Variants in AEBP2 observed in about 807,000 individuals in gnomAD.
AEBP2 encodes the protein zinc finger protein AEBP2.
AEBP2 carries 10 observed loss-of-function variants against 50.8 expected under a neutral mutation model. The observed-to-expected ratio is 0.20, with a 90% CI of 0.12 to 0.33. The LOEUF is 0.33. Ranked by LOEUF, AEBP2 falls within the 10% of genes least tolerant of loss-of-function variation. The pLI is 1.00. For synonymous variants in AEBP2, 296 were observed against 261.3 expected (o/e 1.13, Z -1.28); for missense variants, 570 against 688.0 (o/e 0.83, Z 1.92).
At position 19,439,835 on chromosome 12, in the gene AEBP2, G is replaced by A. The variant is rs1210229496; in HGVS notation, c.136G>A (p.Glu46Lys). Residue 46 changes from glutamate (E) to lysine (K), a missense_variant, in exon 1 of 8, where the codon GAA becomes AAA. Transcript: ENST00000266508. The stretch of plus-strand genomic sequence containing the variant: ...GGAGGAGGAGGAAGAGGAGGAGGAG[G>A]AAGAGGAGGCGGAGGCCGAGGCGGT... ...PEEEEEEEEE[E>K]EEAEAEAVAA... is the part of the protein sequence containing the mutation. 12 of 1,503,894 alleles carry A rather than the reference G, an allele frequency of 8.0e-6. No individual in the cohort carries two copies. The highest frequency in any genetic ancestry group is 1.1e-5 in the Non-Finnish European group (12 of 1,134,350). 93.2% of individuals were successfully genotyped at this position (1,503,894 alleles called of 1,614,324 possible).
At chr12:19,449,350 G>A (rs1394154769) in intron 1 of AEBP2, among the ~76,000 whole-genome samples, 3 of 152,116 alleles carry the variant, frequency 2.0e-5, no homozygotes, top group Non-Finnish European at 2.9e-5. Flanking sequence ...TAGTGTAATT[G>A]TGTTGAAGTG....
intron 1 of AEBP2, among the ~76,000 whole-genome samples, chr12:19,454,560 C>A (rs1195073442): frequency 6.6e-6 from 1 of 152,150 alleles, no homozygotes; most frequent in Non-Finnish European, 1.5e-5. Context: ...GTGATGTATT[C>A]ATAGAAAATT....
rs77192489 is a variant in AEBP2 at position 19,521,235 on chromosome 12, A to G, written c.*3118A>G. 6.6e-6 allele frequency: 1 copy of G among 152,186 alleles called. No homozygotes were observed. Among genetic ancestry groups the G allele is most frequent in the Non-Finnish European group, 1.5e-5 (1 of 68,036 alleles). The allele number at this position is 152,186 out of a possible 1,614,324, so 9.4% of individuals were successfully genotyped here. A position where few individuals can be genotyped will look rare whatever the true frequency, so the allele number is the denominator to read the frequency against. On this transcript the variant is annotated 3_prime_UTR_variant, in exon 8 of 8. Transcript: ENST00000266508. Reference sequence around the variant, plus strand: ...ACACAACTTGCATTTTAATATGACAATGTTGATCTTGGTAATAAGCCAGTA... The same window carrying G: ...ACACAACTTGCATTTTAATATGACAGTGTTGATCTTGGTAATAAGCCAGTA...
At chr12:19,422,795 G>A (rs1043638782) in intron 1 of AEBP2, among the ~76,000 whole-genome samples, 3 of 152,104 alleles carry the variant, frequency 2.0e-5, no homozygotes, top group African/African-American at 7.2e-5. Flanking sequence ...CGGGCATGGT[G>A]GCTCATGGCT....
At chr12:19,509,816 C>CTTTTTTTTTTTT (rs1565737482) in intron 5 of AEBP2, among the ~76,000 whole-genome samples, 2 of 121,054 alleles carry the variant, frequency 1.7e-5, no homozygotes, top group African/African-American at 6.5e-5. Flanking sequence ...AACATGGCTA[C>CTTTTTTTTTTTT]TTTCTTTTTT....
In AEBP2 at chr12:19,518,218, C is replaced by CTTTTTT; in HGVS notation, c.*116_*121dup. The CTTTTTT allele has an allele frequency of 2.7e-6, 3 of 1,131,724 alleles. No homozygotes were observed. Among genetic ancestry groups the CTTTTTT allele is most frequent in the South Asian group, 2.6e-5 (1 of 37,802 alleles). 70.1% of individuals were successfully genotyped at this position (1,131,724 alleles called of 1,614,324 possible). On this transcript the variant is annotated 3_prime_UTR_variant, in exon 8 of 8. Coordinates refer to ENST00000266508, the MANE Select transcript of AEBP2 (RefSeq NM_153207.5). The stretch of plus-strand genomic sequence containing the variant: ...AGTTGCACATTAGAGTCAACCCCTT[C>CTTTTTT]TTTTTTTTTTTTTTTTTTTTAAATC...
intron 4 of AEBP2, among the ~76,000 whole-genome samples, chr12:19,498,272 G>A (rs918149900): frequency 1.3e-5 from 2 of 152,170 alleles, no homozygotes; most frequent in Non-Finnish European, 2.9e-5. Flanking sequence ...GGAAAGTGAT[G>A]TATTTCTCAG....
intron 1 of AEBP2, chr12:19,456,483 C>G (rs1948271712): frequency 1.3e-6 from 2 of 1,490,252 alleles, no homozygotes; most frequent in South Asian, 2.3e-5. Flanking sequence ...CAGCTTTTTA[C>G]CAACATGGCG....
chr12:19,478,574 A>G (rs921814160), intron 3 of AEBP2, among the ~76,000 whole-genome samples: 4 of 152,160 alleles, frequency 2.6e-5, no homozygotes, highest in Non-Finnish European at 5.9e-5. Context: ...ATAGACGTCA[A>G]CCACCTTGCC....
chr12:19,472,329 C>A (rs949000200), intron 2 of AEBP2, among the ~76,000 whole-genome samples: 3 of 152,110 alleles, frequency 2.0e-5, no homozygotes, highest in African/African-American at 4.8e-5. Flanking sequence ...ATGATTCTTT[C>A]AAGATAATGA....
intron 1 of AEBP2, 36 bp downstream of exon 1, chr12:19,440,406 C>A: frequency 6.8e-7 from 1 of 1,461,468 alleles, no homozygotes. Flanking sequence ...TCCCTTCCTC[C>A]TCTTGAACTC....
chr12:19,450,683 A>G (rs1190146287), intron 1 of AEBP2, among the ~76,000 whole-genome samples: 71 of 133,142 alleles, frequency 5.3e-4, no homozygotes, highest in African/African-American at 1.3e-3. Context: ...AAAAAAAAAG[A>G]AAAAAAAAAG....
At position 19,453,554 on chromosome 12, in the gene AEBP2, G is replaced by C. The variant is rs183576555; in HGVS notation, c.672-8956G>C. ...TTCTCCTGCCTCAGCCTCCTGTGTA[G>C]CTGGGATTACAGGCACGCGACACCA... On this transcript the variant is annotated intron_variant, in intron 1 of 7. Transcript: ENST00000266508. Among the ~76,000 whole-genome samples the C allele has an allele frequency of 3.3e-4, 50 of 152,046 alleles. No homozygotes were observed. In the Middle Eastern group the frequency reaches 0.014, roughly 41 times the overall value.
intron 1 of AEBP2, 31 bp from the exon 2 acceptor site, chr12:19,462,479 G>A (rs772150206): frequency 2.6e-6 from 4 of 1,541,726 alleles, no homozygotes; most frequent in South Asian, 1.2e-5. Flanking sequence ...GAATTTCTAG[G>A]AATAACACAG....
chr12:19,422,146 G>C (rs1592706467), intron 1 of AEBP2, among the ~76,000 whole-genome samples: 2 of 152,134 alleles, frequency 1.3e-5, no homozygotes, highest in Non-Finnish European at 2.9e-5. Flanking sequence ...TGGGTGGAGG[G>C]GGGAGGGGAA....
chr12:19,502,860 C>T (rs1438668095), intron 5 of AEBP2, among the ~76,000 whole-genome samples: 4 of 152,104 alleles, frequency 2.6e-5, no homozygotes, highest in Non-Finnish European at 5.9e-5. Context: ...GTTGGTCAGG[C>T]TGGTCTCGAA....
intron 1 of AEBP2, among the ~76,000 whole-genome samples, chr12:19,447,214 T>C (rs539849864): frequency 2.4e-4 from 37 of 152,376 alleles, no homozygotes; most frequent in African/African-American, 8.9e-4. Flanking sequence ...TATAGGTTTG[T>C]GAATCAAATT....
chr12:19,407,918 G>A (rs953369311), intron 1 of AEBP2, among the ~76,000 whole-genome samples: 1 of 151,924 alleles, frequency 6.6e-6, no homozygotes, highest in African/African-American at 2.4e-5. Context: ...CGGCTAGGTG[G>A]TGCATGCCTG....
At chr12:19,502,836 T>TG (rs1949103437) in intron 5 of AEBP2, among the ~76,000 whole-genome samples, 1 of 152,062 alleles carries the variant, frequency 6.6e-6, no homozygotes, top group Non-Finnish European at 1.5e-5. Context: ...TTAGTAGAGA[T>TG]GGGGTTTCTC....
Sources: allele counts gnomAD v4.1 joint callset (sites outside exome capture counted in the v4.1 genomes callset), GRCh38; gene constraint gnomAD v4.1.1; transcripts MANE v1.5; gene names NCBI Gene and HGNC (gene_info 2026-07-23, HGNC 2026-07-21).